Variants in SH3BP2 observed in about 807,000 individuals in gnomAD.
The protein encoded by SH3BP2 is SH3 domain binding protein 2.
A neutral mutation model predicts 56.2 loss-of-function variants in SH3BP2; 38 were observed. The observed-to-expected ratio is 0.68, with a 90% CI of 0.52 to 0.89. SH3BP2 has a LOEUF of 0.89. Ranked by LOEUF, SH3BP2 falls within the 40% of genes least tolerant of loss-of-function variation. The pLI, the probability that SH3BP2 is intolerant of heterozygous loss-of-function variation, is 0.00. For missense variants in SH3BP2, 748 were observed against 762.6 expected, an observed-to-expected ratio of 0.98 and a Z score of 0.23; for synonymous variants, 346 against 316.7, an observed-to-expected ratio of 1.09 and a Z score of -0.98.
intron 1 of SH3BP2, among the ~76,000 whole-genome samples, chr4:2,800,894 AG>A (rs764429440): frequency 7.1e-4 from 108 of 152,264 alleles, no homozygotes; most frequent in Non-Finnish European, 1.3e-3. Flanking sequence ...CCGGCGAGGT[AG>A]GGCATGGGTG....
intron 2 of SH3BP2, among the ~76,000 whole-genome samples, chr4:2,822,116 T>C (rs1724340536): frequency 6.6e-6 from 1 of 152,188 alleles, no homozygotes; most frequent in African/African-American, 2.4e-5. Context: ...GATCCTGTCT[T>C]GGCCTCCTAA....
intron 1 of SH3BP2, chr4:2,794,358 C>T (rs1347414003): frequency 1.3e-5 from 2 of 152,222 alleles, no homozygotes; most frequent in African/African-American, 4.8e-5. Flanking sequence ...TCCACCCCCT[C>T]CTGGTTCTTC....
rs967274614 is a variant in SH3BP2, at chr4:2,833,939, G to A, written c.*105G>A. On this transcript the variant is annotated 3_prime_UTR_variant, in exon 13 of 13. Transcript: ENST00000503393. ...TGGGAGGGTGAGCAGGAGCAAGGCT[G>A]TGCTTGCCTAGGGCCTCTGTGATGG... is the stretch of plus-strand genomic sequence containing the variant. 1.4e-5 allele frequency: 19 copies of A among 1,349,732 alleles called. No homozygotes were observed. The African/African-American group carries it at 1.6e-4, about 11-fold the overall frequency. 83.6% of individuals were successfully genotyped at this position (1,349,732 alleles called of 1,614,324 possible). A position where few individuals can be genotyped will look rare whatever the true frequency, so the allele number is the denominator to read the frequency against.
At chr4:2,833,117 C>T in intron 12 of SH3BP2, 68 bp downstream of exon 12, 1 of 1,412,870 alleles carries the variant, frequency 7.1e-7, no homozygotes, top group East Asian at 2.3e-5. Context: ...GCAGAATCTC[C>T]CTGATGAGGC....
chr4:2,832,326 T>C lies in SH3BP2; in HGVS notation c.1407-5T>C. 6.2e-7 allele frequency: 1 copy of C among 1,612,166 alleles called. No homozygotes were observed. On this transcript the variant is annotated splice_region_variant and splice_polypyrimidine_tract_variant and intron_variant, in intron 10 of 12. Transcript: ENST00000503393. The stretch of plus-strand genomic sequence containing the variant: ...TCACCCGCTAATATGACTGTCTTAT[T>C]TTAGGTTGTTCAAGGCTACAAGCCC...
At chr4:2,827,736 G>T in intron 7 of SH3BP2, 62 bp downstream of exon 7, 2 of 1,402,134 alleles carry the variant, frequency 1.4e-6, no homozygotes, top group South Asian at 1.2e-5. Flanking sequence ...CTGGGACCGG[G>T]AGCAGAGCCC....
chr4:2,826,466 A>C (rs528722710), intron 5 of SH3BP2: 1 of 162,084 alleles, frequency 6.2e-6, no homozygotes, highest in Non-Finnish European at 1.1e-5. Context: ...GTGTGTGTGC[A>C]TGTCCGCGTG....
At chr4:2,813,100 G>T (rs1202690243) in intron 1 of SH3BP2, among the ~76,000 whole-genome samples, 1 of 152,184 alleles carries the variant, frequency 6.6e-6, no homozygotes, top group Non-Finnish European at 1.5e-5. Context: ...TTTTGGTTTT[G>T]ATTATGTTAA....
At chr4:2,820,860 T>G in intron 2 of SH3BP2, 107 bp downstream of exon 2, 1 of 1,303,612 alleles carries the variant, frequency 7.7e-7, no homozygotes, top group Non-Finnish European at 1.0e-6. Flanking sequence ...TGGTGTGCCC[T>G]CTGGATTTTC....
chr4:2,821,886 G>A (rs1724327816), intron 2 of SH3BP2, among the ~76,000 whole-genome samples: 2 of 151,586 alleles, frequency 1.3e-5, no homozygotes, highest in Admixed American at 1.3e-4. Flanking sequence ...TTATTTTTTT[G>A]AGATGGAGTC....
chr4:2,826,271 GTGTGTGTGCATGTCCGCGTGTTGCTC>G (rs56163912), intron 5 of SH3BP2: 42,228 of 137,518 alleles, frequency 0.31, 8,302 homozygotes, highest in Admixed American at 0.44. Context: ...GTGTTGCTCT[GTGTGTGTGCATGTCCGCGTGTTGCTC>G]TGTGTGTGTG....
chr4:2,812,557 G>A (rs1287337306), intron 1 of SH3BP2: 18 of 1,486,104 alleles, frequency 1.2e-5, no homozygotes, highest in Non-Finnish European at 7.2e-6. Context: ...GGGGCCCCAC[G>A]TGGGAGCCAC....
At chr4:2,800,760 A>G (rs77363958) in intron 1 of SH3BP2, among the ~76,000 whole-genome samples, 5,659 of 152,210 alleles carry the variant, frequency 0.037, 165 homozygotes, top group Non-Finnish European at 0.049. Flanking sequence ...CTGGAGCGCC[A>G]TCCCCAGGGA....
chr4:2,800,862 C>T (rs180903848), intron 1 of SH3BP2, among the ~76,000 whole-genome samples: 8 of 152,220 alleles, frequency 5.3e-5, no homozygotes, highest in Admixed American at 2.0e-4. Context: ...TGGAGGAACT[C>T]GTGGAACAGC....
chr4:2,824,625 G>A lies in SH3BP2; in HGVS notation c.252G>A (p.Ala84=), dbSNP rs149515000. 2.5e-5 allele frequency: 41 copies of A among 1,613,520 alleles called. No individual in the cohort carries two copies. The highest frequency in any genetic ancestry group is 3.3e-4 in the Middle Eastern group (2 of 6,084). The stretch of plus-strand genomic sequence containing the variant: ...GCTGTGCCCCCAGGGTGATGCGGGC[G>A]GCTGAGGAGACCACGTCCAACAACG... ...SLSGYNRVMR[A]AEETTSNNVF... Residue 84 remains alanine (A), a synonymous_variant, in exon 4 of 13, where the codon GCG becomes GCA. Transcript: ENST00000503393.
At chr4:2,801,569 C>T (rs938508322) in intron 1 of SH3BP2, among the ~76,000 whole-genome samples, 2 of 152,190 alleles carry the variant, frequency 1.3e-5, no homozygotes, top group Admixed American at 6.5e-5. Context: ...ACCCCGATGC[C>T]TGCTGCAGCC....
rs1422548085 is a variant in SH3BP2 at position 2,826,958 on chromosome 4, CGTGTGCATTTGTGTGTTTGTCAGAGTAT to C, written c.429-263_429-236del. The C allele has an allele frequency of 6.4e-6, 4 of 627,540 alleles. No homozygotes were observed. The African/African-American group carries it at 7.2e-5, about 11-fold the overall frequency. 38.9% of individuals were successfully genotyped at this position (627,540 alleles called of 1,614,324 possible). A position where few individuals can be genotyped will look rare whatever the true frequency, so the allele number is the denominator to read the frequency against. On this transcript the variant is annotated intron_variant, in intron 5 of 12. Coordinates refer to ENST00000503393, the MANE Select transcript of SH3BP2 (RefSeq NM_001122681.2). ...GTTCCTGCGTGTGCTTGTGTGTGCACGTGTGCATTTGTGTGTTTGTCAGAGTATGTGTGCATGTGTGTGTCTGTCAGCG... is the reference window on the plus strand; with the variant it reads ...GTTCCTGCGTGTGCTTGTGTGTGCACGTGTGCATGTGTGTGTCTGTCAGCG...
At chr4:2,804,600 C>T (rs1723452207) in intron 1 of SH3BP2, among the ~76,000 whole-genome samples, 1 of 152,190 alleles carries the variant, frequency 6.6e-6, no homozygotes, top group African/African-American at 2.4e-5. Flanking sequence ...ATGGCGTGGC[C>T]CACCCTGTGT....
At chr4:2,811,048 C>G (rs1161672084) in intron 1 of SH3BP2, among the ~76,000 whole-genome samples, 1 of 152,236 alleles carries the variant, frequency 6.6e-6, no homozygotes, top group East Asian at 1.9e-4. Context: ...GCTAAGGAGG[C>G]CCCAGACCTA....
Sources: allele counts gnomAD v4.1 joint callset (sites outside exome capture counted in the v4.1 genomes callset), GRCh38; gene constraint gnomAD v4.1.1; transcripts MANE v1.5; gene names NCBI Gene and HGNC (gene_info 2026-07-23, HGNC 2026-07-21).